PLEKHG7: variants seen among roughly 807,000 people sequenced by gnomAD.
The protein encoded by PLEKHG7 is pleckstrin homology domain-containing family G member 7.
Under a neutral mutation model 85.2 loss-of-function variants are expected in PLEKHG7, and 77 were observed. That is an observed-to-expected ratio of 0.90 (90% CI 0.75 to 1.09). The LOEUF is 1.09. PLEKHG7 is among the 50% of genes least tolerant of loss of function. PLEKHG7 has a pLI of 0.00. For missense variants in PLEKHG7, 777 were observed against 804.3 expected, an observed-to-expected ratio of 0.97 and a Z score of 0.41; for synonymous variants, 301 against 302.4, an observed-to-expected ratio of 1.00 and a Z score of 0.05.
chr12:92,732,040 G>A (rs139078521), intron 4 of PLEKHG7, among the ~76,000 whole-genome samples, 193 bp from the exon 5 acceptor site: 2 of 152,302 alleles, frequency 1.3e-5, no homozygotes, highest in Admixed American at 6.5e-5. Flanking sequence ...CTTTTAGGTT[G>A]CAACATTGTT....
intron 6 of PLEKHG7, among the ~76,000 whole-genome samples, 193 bp downstream of exon 6, chr12:92,736,770 T>C (rs192791479): frequency 1.3e-5 from 2 of 152,292 alleles, no homozygotes; most frequent in African/African-American, 4.8e-5. Flanking sequence ...GGAAAGTCGT[T>C]TTATCTTAAA....
At chr12:92,729,294 C>CTGA (rs901765573) in intron 4 of PLEKHG7, among the ~76,000 whole-genome samples, 174 bp downstream of exon 4, 91 of 151,836 alleles carry the variant, frequency 6.0e-4, no homozygotes, top group African/African-American at 2.2e-3. Flanking sequence ...CGGGAACCAG[C>CTGA]TGAGTACCAG....
chr12:92,718,726 A>C (rs1431581863), intron 3 of PLEKHG7, among the ~76,000 whole-genome samples: 1 of 152,104 alleles, frequency 6.6e-6, no homozygotes, highest in Non-Finnish European at 1.5e-5. Context: ...GGGGATTTGT[A>C]CAAATATTGC....
chr12:92,764,602 T>C (rs1232497193), intron 15 of PLEKHG7, among the ~76,000 whole-genome samples: 1 of 152,058 alleles, frequency 6.6e-6, no homozygotes, highest in East Asian at 1.9e-4. Flanking sequence ...CGTGCAAGAG[T>C]AAGATATTTT....
chr12:92,738,613 G>A (rs1872253547), intron 7 of PLEKHG7, among the ~76,000 whole-genome samples: 1 of 152,218 alleles, frequency 6.6e-6, no homozygotes. Flanking sequence ...GAATGTGCAT[G>A]ACTGTCACCC....
At chr12:92,755,686 A>G (rs1872805754) in intron 11 of PLEKHG7, 139 bp from the exon 12 acceptor site, 1 of 659,222 alleles carries the variant, frequency 1.5e-6, no homozygotes, top group African/African-American at 1.8e-5. Flanking sequence ...ACAGCAAGCA[A>G]TATGTGAAAT....
rs764990171 is a variant in PLEKHG7 at position 92,769,022 on chromosome 12, A to G, written c.1910A>G (p.Asn637Ser). The G allele has an allele frequency of 1.2e-6, 2 of 1,603,798 alleles. No individual in the cohort carries two copies. Among genetic ancestry groups the G allele is most frequent in the East Asian group, 4.5e-5 (2 of 44,670 alleles). The change falls in exon 16 of 17, where the codon AAC (asparagine) becomes AGC (serine). Residue 637 changes from asparagine to serine, a missense_variant. Physicochemically the swap from Asn to Ser is conservative, Grantham distance 46 (BLOSUM62 1). Coordinates refer to ENST00000344636, the MANE Select transcript of PLEKHG7 (RefSeq NM_001377329.1). ...LRNAFLIQHE[N>S]RYRQCIAAFL... ...AATGCTTTTCTTATACAACACGAAA[A>G]CAGATATCGACAGTGTATAGCAGCA...
intron 7 of PLEKHG7, among the ~76,000 whole-genome samples, chr12:92,737,739 G>GAGAGGGAGGGAGGAAGGGAGGGAGGGAA (rs1872206531): frequency 7.9e-6 from 1 of 126,454 alleles, no homozygotes; most frequent in African/African-American, 3.0e-5. Flanking sequence ...GAGGGAGGAA[G>GAGAGGGAGGGAGGAAGGGAGGGAGGGAA]GGAGGGAGGG....
chr12:92,711,067 G>A (rs533134873), intron 3 of PLEKHG7, among the ~76,000 whole-genome samples: 3 of 152,282 alleles, frequency 2.0e-5, no homozygotes, highest in East Asian at 1.9e-4. Context: ...TCCATTGGCT[G>A]CAGCCCATAA....
At chr12:92,765,214 G>A (rs1478086035) in intron 15 of PLEKHG7, among the ~76,000 whole-genome samples, 2 of 152,002 alleles carry the variant, frequency 1.3e-5, no homozygotes, top group Non-Finnish European at 2.9e-5. Context: ...CTGGCCGGGT[G>A]CAGTGGCTCA....
intron 3 of PLEKHG7, among the ~76,000 whole-genome samples, chr12:92,720,814 A>G (rs1004806208): frequency 6.6e-6 from 1 of 152,126 alleles, no homozygotes; most frequent in Non-Finnish European, 1.5e-5. Flanking sequence ...CACCATTCAA[A>G]CCATTATACC....
At chr12:92,731,052 A>T (rs997223889) in intron 4 of PLEKHG7, among the ~76,000 whole-genome samples, 1 of 152,350 alleles carries the variant, frequency 6.6e-6, no homozygotes, top group East Asian at 1.9e-4. Context: ...TTTAAGGCAG[A>T]TAATGAAAGA....
chr12:92,747,037 T>C (rs1037022425), intron 10 of PLEKHG7, among the ~76,000 whole-genome samples: 1 of 152,172 alleles, frequency 6.6e-6, no homozygotes, highest in African/African-American at 2.4e-5. Flanking sequence ...AATAGTACTA[T>C]ATTAAACTAA....
At chr12:92,721,453 G>A (rs1865442580) in intron 3 of PLEKHG7, 1 of 1,230,990 alleles carries the variant, frequency 8.1e-7, no homozygotes, top group Non-Finnish European at 1.0e-6. Context: ...CCAGAAGGGA[G>A]ACGAGACTAT....
At chr12:92,755,215 C>G (rs945991466) in intron 11 of PLEKHG7, among the ~76,000 whole-genome samples, 23 of 152,138 alleles carry the variant, frequency 1.5e-4, no homozygotes, top group African/African-American at 5.6e-4. Flanking sequence ...ATTTGTGTGG[C>G]CTCCCTTTAT....
At chr12:92,733,158 C>T (rs2136595547) in intron 5 of PLEKHG7, among the ~76,000 whole-genome samples, 1 of 152,288 alleles carries the variant, frequency 6.6e-6, no homozygotes, top group East Asian at 1.9e-4. Flanking sequence ...ATTCTAGCTG[C>T]TTCCCTTACT....
chr12:92,703,277 T>C (rs2136563457), intron 1 of PLEKHG7, 145 bp downstream of exon 1: 1 of 152,398 alleles, frequency 6.6e-6, no homozygotes, highest in East Asian at 1.9e-4. Context: ...GTTTCATTTC[T>C]AGTACAGTGA....
At chr12:92,745,957 T>A (rs1419631277) in intron 10 of PLEKHG7, among the ~76,000 whole-genome samples, 2 of 152,224 alleles carry the variant, frequency 1.3e-5, no homozygotes, top group Non-Finnish European at 2.9e-5. Flanking sequence ...AGGAGTTAGT[T>A]CCAGCATAGA....
intron 10 of PLEKHG7, among the ~76,000 whole-genome samples, chr12:92,746,826 G>A (rs1194627253): frequency 2.6e-5 from 4 of 152,056 alleles, no homozygotes; most frequent in Non-Finnish European, 5.9e-5. Context: ...TGAATATCTC[G>A]ATGCAGAAGA....
Sources: gnomAD v4.1 joint callset for allele counts (sites outside exome capture counted in the v4.1 genomes callset) on GRCh38, gnomAD v4.1.1 for gene constraint, MANE v1.5 for transcripts, NCBI Gene and HGNC (gene_info 2026-07-23, HGNC 2026-07-21) for gene names.